Variants in DNMBP observed in about 807,000 individuals in gnomAD.
DNMBP encodes the protein dynamin-binding protein.
In DNMBP, 87 loss-of-function variants were observed where a neutral mutation model predicts 150.0. The ratio of observed to expected loss-of-function variants is 0.58; its 90% CI spans 0.49 to 0.69. DNMBP has a LOEUF of 0.69. Among genes scored for constraint, DNMBP ranks in the 30% least tolerant of loss-of-function variants. The probability of loss-of-function intolerance (pLI) is 0.00; values close to 1 mark genes in which losing one functional copy is unlikely to be tolerated. For missense variants in DNMBP, 1,774 were observed against 1,949.0 expected (o/e 0.91, Z 1.69); for synonymous variants, 711 against 750.4 (o/e 0.95, Z 0.86).
chr10:99,933,930 G>A (rs1564737437), intron 4 of DNMBP, among the ~76,000 whole-genome samples: 1 of 152,102 alleles, frequency 6.6e-6, no homozygotes, highest in South Asian at 2.1e-4. Flanking sequence ...TAGAGACAGG[G>A]TTTCACCGTG....
intron 4 of DNMBP, among the ~76,000 whole-genome samples, chr10:99,912,735 T>A (rs2039916044): frequency 6.6e-6 from 1 of 152,120 alleles, no homozygotes; most frequent in South Asian, 2.1e-4. Flanking sequence ...TTACCCAGAC[T>A]AGTTTCAAAC....
intron 4 of DNMBP, chr10:99,914,036 T>A (rs2039934024): frequency 1.3e-6 from 2 of 1,506,634 alleles, no homozygotes; most frequent in Admixed American, 2.2e-5. Flanking sequence ...AGCTCTGGAA[T>A]GCTCCACAAC....
At chr10:99,878,554 G>T (rs1043819996) in intron 16 of DNMBP, among the ~76,000 whole-genome samples, 4 of 152,212 alleles carry the variant, frequency 2.6e-5, no homozygotes, top group Non-Finnish European at 5.9e-5. Flanking sequence ...CACAAAGCTC[G>T]GCTATGGCAC....
intron 15 of DNMBP, among the ~76,000 whole-genome samples, chr10:99,881,695 T>G (rs1458289654): frequency 6.6e-6 from 1 of 152,242 alleles, no homozygotes; most frequent in Non-Finnish European, 1.5e-5. Context: ...CATCTGTCTC[T>G]GACCCCAGCA....
Position 99,888,853 on chromosome 10 carries a change from T to G in DNMBP, c.3257A>C (p.Tyr1086Ser), listed in dbSNP as rs776699426. The G allele has an allele frequency of 3.1e-6, 5 of 1,614,020 alleles. No homozygotes were observed. The highest frequency in any genetic ancestry group is 4.2e-6 in the Non-Finnish European group (5 of 1,180,016). ...DLEQFERVHR[Y>S]ISDQLFTNFK... ...GTTTGTGAAGAGCTGGTCACTGATG[T>G]AGCGATGCACCCTCTCAAACTGCTC... is the stretch of plus-strand genomic sequence containing the variant. The change falls in exon 12 of 17, where the codon TAC becomes TCC. Residue 1086 changes from tyrosine to serine, a missense_variant. Tyr to Ser is a moderately radical substitution (Grantham distance 144). Coordinates refer to ENST00000324109, the MANE Select transcript of DNMBP (RefSeq NM_015221.4).
At chr10:99,917,676 A>G (rs1425267811) in intron 4 of DNMBP, among the ~76,000 whole-genome samples, 1 of 152,170 alleles carries the variant, frequency 6.6e-6, no homozygotes, top group Non-Finnish European at 1.5e-5. Flanking sequence ...ATGGATGAAG[A>G]AAATAGGGGC....
At chr10:99,969,509 G>A (rs879765671) in intron 2 of DNMBP, among the ~76,000 whole-genome samples, 1 of 152,154 alleles carries the variant, frequency 6.6e-6, no homozygotes, top group Non-Finnish European at 1.5e-5. Flanking sequence ...GACAGTTTTG[G>A]TTTTCAAAGA....
At position 99,955,449 on chromosome 10, in the gene DNMBP, C is replaced by G. The variant is rs1204645763; in HGVS notation, c.2025G>C (p.Lys675Asn). 5 of 1,610,796 alleles carry G rather than the reference C, an allele frequency of 3.1e-6. No homozygotes were observed. The highest frequency in any genetic ancestry group is 1.3e-5 in the African/African-American group (1 of 74,780). The change falls in exon 4 of 17, where the codon AAG (lysine) becomes AAC (asparagine). Residue 675 changes from lysine (K) to asparagine (N), a missense_variant. Physicochemically the swap from Lys to Asn is moderately conservative, Grantham distance 94. This residue lies in a region of DNMBP where 1,430 missense variants were observed against 1,492.5 expected (regional missense o/e 0.96). Coordinates refer to ENST00000324109, the MANE Select transcript of DNMBP (RefSeq NM_015221.4). ...RHRPTCETLEKEGPGHMGRSL... is the reference protein window; with the variant it reads ...RHRPTCETLENEGPGHMGRSL... ...TCCTTCCCATATGACCAGGGCCCTC[C>G]TTTTCTAAGGTCTCACAGGTAGGAC...
intron 4 of DNMBP, among the ~76,000 whole-genome samples, chr10:99,941,817 G>T (rs2040304499): frequency 1.3e-5 from 2 of 152,120 alleles, no homozygotes; most frequent in African/African-American, 4.8e-5. Context: ...AAGTCCTACT[G>T]GCTCTAACTC....
At chr10:99,959,648 T>A (rs1006287095) in intron 3 of DNMBP, among the ~76,000 whole-genome samples, 2 of 150,360 alleles carry the variant, frequency 1.3e-5, no homozygotes, top group Non-Finnish European at 3.0e-5. Context: ...AGCAGAAGAG[T>A]TCAAGATCAG....
At chr10:99,965,084 T>C (rs541242405) in intron 3 of DNMBP, among the ~76,000 whole-genome samples, 1 of 152,088 alleles carries the variant, frequency 6.6e-6, no homozygotes. Context: ...AGCACATCAA[T>C]GAAGCCCAGG....
At chr10:99,930,210 T>C (rs892112394) in intron 4 of DNMBP, 9 of 702,680 alleles carry the variant, frequency 1.3e-5, no homozygotes, top group Non-Finnish European at 2.3e-5. Context: ...AAGATTATGG[T>C]TAACATTCTC....
chr10:99,900,541 C>T (rs1242218789), intron 6 of DNMBP, among the ~76,000 whole-genome samples: 1 of 152,146 alleles, frequency 6.6e-6, no homozygotes, highest in Admixed American at 6.5e-5. Flanking sequence ...GAAACAGAGC[C>T]TCCAGTCCCT....
intron 4 of DNMBP, among the ~76,000 whole-genome samples, chr10:99,927,631 G>A (rs767231173): frequency 1.3e-4 from 20 of 152,172 alleles, no homozygotes; most frequent in Admixed American, 7.2e-4. Flanking sequence ...AACAAAGAAC[G>A]TTAGAATGCT....
intron 4 of DNMBP, among the ~76,000 whole-genome samples, chr10:99,953,813 C>CAAAAAAAAAAAAAAAAAAAA (rs747545477): frequency 2.0e-5 from 1 of 50,498 alleles, no homozygotes; most frequent in African/African-American, 1.1e-4. Context: ...GACTCTGTCT[C>CAAAAAAAAAAAAAAAAAAAA]AAAAAAAAAA....
intron 4 of DNMBP, among the ~76,000 whole-genome samples, chr10:99,943,586 G>A (rs1306835514): frequency 6.6e-6 from 1 of 152,012 alleles, no homozygotes; most frequent in Admixed American, 6.6e-5. Flanking sequence ...ATTTCTTTTA[G>A]GAACGGGGTC....
intron 4 of DNMBP, among the ~76,000 whole-genome samples, chr10:99,949,094 G>A (rs1298874754): frequency 6.6e-6 from 1 of 152,160 alleles, no homozygotes; most frequent in Non-Finnish European, 1.5e-5. Context: ...CAAGGGGCCT[G>A]CCATCTCTGC....
intron 9 of DNMBP, among the ~76,000 whole-genome samples, chr10:99,897,407 G>A (rs537756614): frequency 1.2e-4 from 19 of 152,248 alleles, no homozygotes; most frequent in African/African-American, 4.1e-4. Context: ...TTTAGTAGAG[G>A]TAGTAAGACA....
intron 1 of DNMBP, among the ~76,000 whole-genome samples, chr10:100,000,289 G>A (rs755171750): frequency 6.6e-6 from 1 of 152,030 alleles, no homozygotes; most frequent in East Asian, 1.9e-4. Flanking sequence ...AGCATAACTC[G>A]GCACATCCAT....
Sources: allele counts gnomAD v4.1 joint callset (sites outside exome capture counted in the v4.1 genomes callset), GRCh38; gene constraint gnomAD v4.1.1; regional missense constraint gnomAD v4.1.1; transcripts MANE v1.5; gene names NCBI Gene and HGNC (gene_info 2026-07-23, HGNC 2026-07-21).